MLLT3: variants seen among roughly 807,000 people sequenced by gnomAD.
The protein encoded by MLLT3 is protein AF-9.
A neutral mutation model predicts 53.2 loss-of-function variants in MLLT3; 4 were observed. That is an observed-to-expected ratio of 0.08 (90% CI 0.04 to 0.17). The LOEUF (loss-of-function observed/expected upper bound fraction) is 0.17. Ranked by LOEUF, MLLT3 falls within the 10% of genes least tolerant of loss-of-function variation. MLLT3 has a pLI of 1.00. For missense variants in MLLT3, 569 were observed against 684.0 expected (o/e 0.83, Z 1.87); for synonymous variants, 283 against 230.6 (o/e 1.23, Z -2.06).
chr9:20,442,096 T>C (rs894696682), intron 4 of MLLT3, among the ~76,000 whole-genome samples: 1 of 152,184 alleles, frequency 6.6e-6, no homozygotes, highest in Non-Finnish European at 1.5e-5. Flanking sequence ...AAATGTGGTC[T>C]TTGAAAGGAA....
chr9:20,417,839 G>C (rs1275630795), intron 4 of MLLT3, among the ~76,000 whole-genome samples: 1 of 152,120 alleles, frequency 6.6e-6, no homozygotes, highest in Non-Finnish European at 1.5e-5. Context: ...AAAAAAATCA[G>C]AACTACTGGC....
chr9:20,597,135 G>A (rs1013001456), intron 2 of MLLT3, among the ~76,000 whole-genome samples: 14 of 151,852 alleles, frequency 9.2e-5, no homozygotes, highest in African/African-American at 1.2e-4. Context: ...TACTAATCTT[G>A]TATGCTATAA....
intron 2 of MLLT3, among the ~76,000 whole-genome samples, chr9:20,479,592 C>T (rs1366088855): frequency 1.3e-5 from 2 of 152,126 alleles, no homozygotes; most frequent in African/African-American, 4.8e-5. Flanking sequence ...CTAGTTCCAG[C>T]CTGCCACTAA....
At chr9:20,524,945 G>A (rs1383286893) in intron 2 of MLLT3, among the ~76,000 whole-genome samples, 1 of 152,032 alleles carries the variant, frequency 6.6e-6, no homozygotes, top group African/African-American at 2.4e-5. Context: ...CAGGAACCCT[G>A]TCAGGCTACA....
chr9:20,502,102 G>C (rs1194095700), intron 2 of MLLT3, among the ~76,000 whole-genome samples: 2 of 145,258 alleles, frequency 1.4e-5, no homozygotes, highest in East Asian at 2.2e-4. Context: ...AAGGGGGGGG[G>C]GGGGACTACC....
At chr9:20,618,583 A>C (rs190708334) in intron 2 of MLLT3, among the ~76,000 whole-genome samples, 5 of 152,336 alleles carry the variant, frequency 3.3e-5, no homozygotes, top group African/African-American at 1.2e-4. Flanking sequence ...GACTGCATAG[A>C]GAACCTCCAC....
At chr9:20,516,138 T>C (rs1278250244) in intron 2 of MLLT3, among the ~76,000 whole-genome samples, 2 of 152,010 alleles carry the variant, frequency 1.3e-5, no homozygotes, top group Non-Finnish European at 2.9e-5. Context: ...GCCTCAGATA[T>C]CTCCTGACTC....
chr9:20,520,423 C>T (rs891620193), intron 2 of MLLT3, among the ~76,000 whole-genome samples: 4 of 151,922 alleles, frequency 2.6e-5, no homozygotes, highest in African/African-American at 7.3e-5. Context: ...AAACAGCTCA[C>T]AAATCCTATC....
At chr9:20,468,300 T>C (rs1824286976) in intron 2 of MLLT3, among the ~76,000 whole-genome samples, 1 of 152,200 alleles carries the variant, frequency 6.6e-6, no homozygotes, top group Admixed American at 6.5e-5. Flanking sequence ...TATAATTAAA[T>C]ATTCCTAAAT....
At chr9:20,549,012 A>G (rs1247790709) in intron 2 of MLLT3, among the ~76,000 whole-genome samples, 1 of 151,950 alleles carries the variant, frequency 6.6e-6, no homozygotes, top group African/African-American at 2.4e-5. Context: ...AGGGGGTTTC[A>G]CCATGTTGCC....
At chr9:20,521,721 G>A (rs761352995) in intron 2 of MLLT3, among the ~76,000 whole-genome samples, 4 of 152,120 alleles carry the variant, frequency 2.6e-5, no homozygotes, top group Non-Finnish European at 5.9e-5. Context: ...AAAATTCAGT[G>A]CTTTCTGTTC....
At chr9:20,430,838 A>G (rs148409028) in intron 4 of MLLT3, among the ~76,000 whole-genome samples, 1,867 of 152,246 alleles carry the variant, frequency 0.012, 21 homozygotes, top group Admixed American at 0.02. Flanking sequence ...AATAGTAAAT[A>G]GAAACAACAA....
At chr9:20,460,099 C>A (rs1394733081) in intron 2 of MLLT3, among the ~76,000 whole-genome samples, 3 of 152,204 alleles carry the variant, frequency 2.0e-5, no homozygotes, top group African/African-American at 7.2e-5. Flanking sequence ...AGGGATACTA[C>A]ATTAGATATA....
At chr9:20,463,361 G>T (rs1824159857) in intron 2 of MLLT3, among the ~76,000 whole-genome samples, 1 of 152,064 alleles carries the variant, frequency 6.6e-6, no homozygotes, top group African/African-American at 2.4e-5. Context: ...AGTTAGCAAA[G>T]CCCATGTAGC....
chr9:20,549,874 C>T (rs10123816), intron 2 of MLLT3, among the ~76,000 whole-genome samples: 105,941 of 152,076 alleles, frequency 0.7, 37,166 homozygotes, highest in East Asian at 0.85. Context: ...CACATGCGTG[C>T]AGAAAATCTA....
intron 2 of MLLT3, among the ~76,000 whole-genome samples, chr9:20,588,009 G>A (rs1191632930): frequency 2.1e-4 from 31 of 146,028 alleles, no homozygotes; most frequent in South Asian, 1.3e-3. Flanking sequence ...ATCTTGAATT[G>A]ATTTTTGTAT....
intron 3 of MLLT3, among the ~76,000 whole-genome samples, chr9:20,449,522 G>A (rs190462926): frequency 1.6e-4 from 25 of 152,214 alleles, no homozygotes; most frequent in Non-Finnish European, 2.8e-4. Flanking sequence ...TTTAATTCTC[G>A]CTGCTCTCTT....
At chr9:20,569,753 G>A (rs1334278331) in intron 2 of MLLT3, among the ~76,000 whole-genome samples, 2 of 152,112 alleles carry the variant, frequency 1.3e-5, no homozygotes, top group Non-Finnish European at 2.9e-5. Context: ...CTATGACTTT[G>A]GGCACGTCAT....
chr9:20,522,066 T>C (rs535968716), intron 2 of MLLT3, among the ~76,000 whole-genome samples: 2 of 149,506 alleles, frequency 1.3e-5, no homozygotes, highest in South Asian at 4.2e-4. Context: ...TTAAACTGAA[T>C]GTAAAAATGT....
Sources: allele counts gnomAD v4.1 joint callset (sites outside exome capture counted in the v4.1 genomes callset), GRCh38; gene constraint gnomAD v4.1.1; transcripts MANE v1.5; gene names NCBI Gene and HGNC (gene_info 2026-07-23, HGNC 2026-07-21).